SUMF1: variants seen among roughly 807,000 people sequenced by gnomAD.
SUMF1 encodes the protein formylglycine-generating enzyme.
Under a neutral mutation model 47.6 loss-of-function variants are expected in SUMF1, and 48 were observed. That is an observed-to-expected ratio of 1.01 (90% CI 0.80 to 1.28). The LOEUF (loss-of-function observed/expected upper bound fraction) is 1.28. Ranked by LOEUF, SUMF1 falls within the 50% of genes most tolerant of loss-of-function variation. The probability of loss-of-function intolerance (pLI) is 0.00; values close to 1 mark genes in which losing one functional copy is unlikely to be tolerated. For missense variants in SUMF1, 571 were observed against 485.4 expected, an observed-to-expected ratio of 1.18 and a Z score of -1.66; for synonymous variants, 230 against 192.1, an observed-to-expected ratio of 1.20 and a Z score of -1.63.
chr3:4,158,313 T>G (rs908461690), intron 8 of SUMF1, among the ~76,000 whole-genome samples: 1 of 151,644 alleles, frequency 6.6e-6, no homozygotes, highest in Admixed American at 6.6e-5. Flanking sequence ...AGAAGATACT[T>G]GATATGATTT....
intron 1 of SUMF1, among the ~76,000 whole-genome samples, chr3:4,459,634 C>T (rs2079758660): frequency 6.6e-6 from 1 of 152,106 alleles, no homozygotes; most frequent in Non-Finnish European, 1.5e-5. Flanking sequence ...TGTATTACTA[C>T]TATCCCAAGA....
intron 8 of SUMF1, chr3:4,316,780 A>T (rs1344408434): frequency 1.3e-6 from 2 of 1,550,692 alleles, no homozygotes; most frequent in African/African-American, 2.7e-5. Flanking sequence ...CACCCAAAAA[A>T]GGTCATGGTC....
intron 8 of SUMF1, among the ~76,000 whole-genome samples, chr3:4,271,638 A>G (rs746364958): frequency 5.3e-5 from 8 of 151,944 alleles, no homozygotes; most frequent in African/African-American, 1.5e-4. Flanking sequence ...AGTAGCTGGG[A>G]CTCCAGGAGC....
intron 1 of SUMF1, among the ~76,000 whole-genome samples, chr3:4,456,849 T>TAC (rs1575248864): frequency 2.9e-5 from 4 of 135,704 alleles, no homozygotes; most frequent in Non-Finnish European, 3.3e-5. Flanking sequence ...TATATACGTG[T>TAC]GTGTATATAT....
intron 8 of SUMF1, among the ~76,000 whole-genome samples, chr3:4,079,287 G>A (rs1478187877): frequency 1.3e-5 from 2 of 152,024 alleles, no homozygotes; most frequent in Non-Finnish European, 2.9e-5. Flanking sequence ...GAGTTGGAAG[G>A]GTTTTTGGAA....
intron 8 of SUMF1, among the ~76,000 whole-genome samples, chr3:4,248,469 C>A (rs1231724013): frequency 1.3e-5 from 2 of 152,208 alleles, no homozygotes; most frequent in South Asian, 2.1e-4. Flanking sequence ...AAGCAATTTC[C>A]CACTAAAAAG....
At chr3:4,217,656 C>T (rs1695964627) in intron 8 of SUMF1, among the ~76,000 whole-genome samples, 1 of 142,474 alleles carries the variant, frequency 7.0e-6, no homozygotes, top group Admixed American at 7.3e-5. Context: ...GTTTATTCTC[C>T]TTATTAGCCT....
intron 8 of SUMF1, among the ~76,000 whole-genome samples, chr3:4,163,368 A>T: frequency 7.5e-5 from 1 of 13,286 alleles, no homozygotes; most frequent in Non-Finnish European, 1.4e-4. Flanking sequence ...GAGAGAAAGG[A>T]AGGAAGGAAG....
Position 4,206,490 on chromosome 3 carries a change from G to A in SUMF1, c.1015-137745C>T, listed in dbSNP as rs145313264. Among the ~76,000 whole-genome samples the A allele has an allele frequency of 2.9e-3, 438 of 152,240 alleles. 3 individuals carry two copies. Among genetic ancestry groups the A allele is most frequent in the African/African-American group, 0.01 (423 of 41,546 alleles). ...CCCTTCACTGTTACTGGGCAGCACT[G>A]AGTTCCAATGCAAGTTCAACAGTCA... On this transcript the variant is annotated intron_variant and NMD_transcript_variant, in intron 8 of 12. Coordinates refer to the SUMF1 transcript ENST00000448413.
In SUMF1 at chr3:4,214,528, C is replaced by T. The variant is rs146306352; in HGVS notation, c.1015-145783G>A. Among the ~76,000 whole-genome samples, 1,391 of 152,048 alleles carry T rather than the reference C, an allele frequency of 9.1e-3. 21 individuals carry two copies. The highest frequency in any genetic ancestry group is 0.016 in the Non-Finnish European group (1,067 of 67,992). On this transcript the variant is annotated intron_variant and NMD_transcript_variant, in intron 8 of 12. Coordinates refer to the SUMF1 transcript ENST00000448413. ...AAGCAACAGCAAACAAATTCAAAAG[C>T]GAGCAGAAGACAAGAAATAACTAAG...
intron 8 of SUMF1, among the ~76,000 whole-genome samples, chr3:4,374,037 G>C (rs1398528975): frequency 6.6e-6 from 1 of 152,068 alleles, no homozygotes; most frequent in Non-Finnish European, 1.5e-5. Flanking sequence ...ACTTTCTCAA[G>C]CTGTAAAGGG....
intron 8 of SUMF1, among the ~76,000 whole-genome samples, chr3:4,335,197 C>CAG (rs1699121139): frequency 6.6e-6 from 1 of 152,148 alleles, no homozygotes. Context: ...GCCATCCTCC[C>CAG]ACCCATTCCT....
At chr3:4,368,148 C>T (rs1248170829) in intron 8 of SUMF1, among the ~76,000 whole-genome samples, 5 of 152,082 alleles carry the variant, frequency 3.3e-5, no homozygotes, top group African/African-American at 9.7e-5. Flanking sequence ...AAGAAAAAAA[C>T]AAACAACCCC....
At chr3:4,232,191 T>G (rs1016095827) in intron 8 of SUMF1, among the ~76,000 whole-genome samples, 9 of 151,812 alleles carry the variant, frequency 5.9e-5, no homozygotes, top group African/African-American at 2.2e-4. Context: ...GGCAGGAGAG[T>G]GTCAGACCCA....
At chr3:4,121,192 A>C (rs2125078013) in intron 8 of SUMF1, among the ~76,000 whole-genome samples, 1 of 152,282 alleles carries the variant, frequency 6.6e-6, no homozygotes, top group South Asian at 2.1e-4. Flanking sequence ...GCCATTATTA[A>C]CATTCTAGAT....
intron 8 of SUMF1, among the ~76,000 whole-genome samples, chr3:4,329,640 G>A (rs550044188): frequency 6.6e-6 from 1 of 152,238 alleles, no homozygotes; most frequent in Non-Finnish European, 1.5e-5. Flanking sequence ...TCTGATGGGA[G>A]GGGCTGCCCT....
chr3:4,465,372 G>A (rs1318960730), intron 1 of SUMF1, among the ~76,000 whole-genome samples: 2 of 152,048 alleles, frequency 1.3e-5, no homozygotes, highest in East Asian at 3.9e-4. Context: ...CTACTTGGGA[G>A]GCTGAGGCAG....
At chr3:4,200,812 C>T (rs1695525009) in intron 8 of SUMF1, among the ~76,000 whole-genome samples, 1 of 152,250 alleles carries the variant, frequency 6.6e-6, no homozygotes, top group East Asian at 1.9e-4. Context: ...GCATGTTTTT[C>T]TGCTGAATTA....
chr3:4,294,540 T>C (rs888595744), intron 8 of SUMF1, among the ~76,000 whole-genome samples: 1 of 152,086 alleles, frequency 6.6e-6, no homozygotes, highest in African/African-American at 2.4e-5. Context: ...CTCTGAGTTG[T>C]AGAGAGTGTA....
Sources: gnomAD v4.1 joint callset for allele counts (sites outside exome capture counted in the v4.1 genomes callset) on GRCh38, gnomAD v4.1.1 for gene constraint, MANE v1.5 for transcripts, NCBI Gene and HGNC (gene_info 2026-07-23, HGNC 2026-07-21) for gene names.